Variants in POLR2B observed in about 807,000 individuals in gnomAD.
POLR2B encodes the protein RNA polymerase II subunit B, also known as DNA-directed RNA polymerase II subunit RPB2.
Under a neutral mutation model 144.6 loss-of-function variants are expected in POLR2B, and 57 were observed. The observed-to-expected ratio is 0.39, with a 90% confidence interval of 0.32 to 0.49. The LOEUF is 0.49. POLR2B is among the 20% of genes least tolerant of loss of function. POLR2B has a pLI of 0.83. For synonymous variants in POLR2B, 442 were observed against 469.8 expected, an observed-to-expected ratio of 0.94 and a Z score of 0.77; for missense variants, 595 against 1,467.4, an observed-to-expected ratio of 0.41 and a Z score of 9.71.
chr4:56,987,447 A>G (rs1007348368), intron 2 of POLR2B, among the ~76,000 whole-genome samples: 1 of 152,162 alleles, frequency 6.6e-6, no homozygotes, highest in African/African-American at 2.4e-5. Flanking sequence ...TTTATATACA[A>G]TAAGATGATG....
chr4:57,023,250 C>G lies in POLR2B; in HGVS notation c.2516-80C>G. On this transcript the variant is annotated intron_variant, in intron 18 of 24. Transcript: ENST00000314595. The surrounding 1 kb of genome is among the most constrained non-coding windows in gnomAD (Gnocchi z 4.3). ...TATAGAGACTCCTGTGGCCTTCTCT[C>G]TGACTTGGAACTGATTCATGTATGT... is the stretch of plus-strand genomic sequence containing the variant. 1.4e-6 allele frequency: 2 copies of G among 1,430,966 alleles called. No individual in the cohort carries two copies. The highest frequency in any genetic ancestry group is 1.9e-6 in the Non-Finnish European group (2 of 1,033,664). The allele number at this position is 1,430,966 out of a possible 1,614,324, so 88.6% of individuals were successfully genotyped here. A position where few individuals can be genotyped will look rare whatever the true frequency, so the allele number is the denominator to read the frequency against.
Position 57,015,567 on chromosome 4 carries a change from T to G in POLR2B, c.1866T>G (p.Cys622Trp). 6.6e-7 allele frequency: 1 copy of G among 1,510,994 alleles called. No individual in the cohort carries two copies. The highest frequency in any genetic ancestry group is 1.4e-5 in the South Asian group (1 of 73,740). The allele number at this position is 1,510,994 out of a possible 1,614,324, so 93.6% of individuals were successfully genotyped here. A position where few individuals can be genotyped will look rare whatever the true frequency, so the allele number is the denominator to read the frequency against. ...TCTATACGGATGCAGGCCGTATTTG[T>G]AGACCACTTCTGATTGTGGAAAAAC... ...IRIYTDAGRI[C>W]RPLLIVEKQK... The change falls in exon 14 of 25, where the codon TGT (cysteine) becomes TGG (tryptophan). Residue 622 changes from cysteine to tryptophan, a missense_variant. Around this residue, in one of 9 missense-constraint regions of POLR2B, gnomAD observed 59 missense variants for 84.2 expected, o/e 0.70. Coordinates refer to ENST00000314595, the MANE Select transcript of POLR2B (RefSeq NM_000938.3).
At chr4:56,997,735 T>TG (rs1283266910) in intron 6 of POLR2B, among the ~76,000 whole-genome samples, 1 of 152,200 alleles carries the variant, frequency 6.6e-6, no homozygotes, top group East Asian at 1.9e-4. Flanking sequence ...GAGTGACAAG[T>TG]AGATGATCAG....
intron 16 of POLR2B, 53 bp from the exon 17 acceptor site, chr4:57,020,846 G>A: frequency 2.1e-6 from 2 of 969,084 alleles, no homozygotes; most frequent in Non-Finnish European, 3.4e-6. Flanking sequence ...AGAAAGGGCA[G>A]TTTTTCTGTT....
chr4:57,014,895 C>CT (rs1483461977), intron 13 of POLR2B, among the ~76,000 whole-genome samples: 4 of 152,098 alleles, frequency 2.6e-5, no homozygotes, highest in East Asian at 1.9e-4. Context: ...ATTTTACGTT[C>CT]TTTTTTTTCT....
At chr4:57,020,319 A>G (rs1295777201) in intron 16 of POLR2B, among the ~76,000 whole-genome samples, 2 of 152,222 alleles carry the variant, frequency 1.3e-5, no homozygotes, top group Non-Finnish European at 2.9e-5. Context: ...GGCGTGAGCC[A>G]CCATGCCCGA....
intron 6 of POLR2B, among the ~76,000 whole-genome samples, chr4:56,996,278 A>ATTT (rs869299001): frequency 4.2e-4 from 25 of 59,738 alleles, no homozygotes; most frequent in South Asian, 8.1e-4. Context: ...ATATATATAT[A>ATTT]TTTTTTTTTT....
Position 57,005,738 on chromosome 4 carries a change from A to C in POLR2B, c.1217+19A>C. On this transcript the variant is annotated intron_variant, in intron 9 of 24. Coordinates refer to ENST00000314595, the MANE Select transcript of POLR2B (RefSeq NM_000938.3). ...TTAGAGGGTAAGGAATTACAGAATG[A>C]AGTCATTAAAGCAGGGAGATTTATT... is the stretch of plus-strand genomic sequence containing the variant. 1 of 1,605,812 alleles carries C rather than the reference A, an allele frequency of 6.2e-7. No individual in the cohort carries two copies. The highest frequency in any genetic ancestry group is 8.5e-7 in the Non-Finnish European group (1 of 1,176,430).
chr4:56,982,095 C>T (rs537868587), intron 1 of POLR2B, among the ~76,000 whole-genome samples: 4 of 152,270 alleles, frequency 2.6e-5, no homozygotes, highest in South Asian at 4.1e-4. Flanking sequence ...CATCTGTATG[C>T]GGATAACTTC....
In POLR2B at chr4:56,995,427, T is replaced by C; in HGVS notation, c.735+18T>C. 1.3e-6 allele frequency: 2 copies of C among 1,564,902 alleles called. No homozygotes were observed. Among genetic ancestry groups the C allele is most frequent in the Non-Finnish European group, 1.7e-6 (2 of 1,147,224 alleles). ...GAGGACAGGTATGGACTGGATATGA[T>C]GCTATTTGGGTTTATTCCTTTGTGC... On this transcript the variant is annotated intron_variant, in intron 6 of 24. Coordinates refer to ENST00000314595, the MANE Select transcript of POLR2B (RefSeq NM_000938.3).
At chr4:56,996,279 T>TA (rs1553910018) in intron 6 of POLR2B, among the ~76,000 whole-genome samples, 4,401 of 38,426 alleles carry the variant, frequency 0.11, 76 homozygotes, top group Admixed American at 0.15. Context: ...TATATATATA[T>TA]TTTTTTTTTT....
In POLR2B at chr4:56,986,432, T is replaced by C. The variant is rs1240689567; in HGVS notation, c.92+6T>C. On this transcript the variant is annotated splice_donor_region_variant and intron_variant, in intron 2 of 24. Coordinates refer to ENST00000314595, the MANE Select transcript of POLR2B (RefSeq NM_000938.3). ...GCATGCTGGATTGTAATCAGGTAAC[T>C]TTGGACCAAACTGAATTAGCCTGAA... The C allele has an allele frequency of 6.3e-7, 1 of 1,598,142 alleles. No individual in the cohort carries two copies. The highest frequency in any genetic ancestry group is 8.6e-7 in the Non-Finnish European group (1 of 1,165,782).
chr4:56,983,573 T>A (rs1040706893), intron 1 of POLR2B, among the ~76,000 whole-genome samples: 1 of 152,078 alleles, frequency 6.6e-6, no homozygotes, highest in African/African-American at 2.4e-5. Flanking sequence ...GGTTTCACCA[T>A]GCTGGCCAGG....
chr4:57,010,118 T>TCCTA (rs1438394398), intron 10 of POLR2B: 4 of 415,658 alleles, frequency 9.6e-6, no homozygotes, highest in African/African-American at 8.1e-5. Flanking sequence ...GAAACTAATG[T>TCCTA]CCTAGTGTTT....
chr4:56,985,972 A>G (rs979855254), intron 1 of POLR2B, among the ~76,000 whole-genome samples: 1 of 152,216 alleles, frequency 6.6e-6, no homozygotes, highest in Non-Finnish European at 1.5e-5. Flanking sequence ...TCATACCTGT[A>G]CATGTATGAA....
Position 57,023,201 on chromosome 4 carries a change from T to G in POLR2B, c.2516-129T>G, listed in dbSNP as rs140268772. On this transcript the variant is annotated intron_variant, in intron 18 of 24. Coordinates refer to ENST00000314595, the MANE Select transcript of POLR2B (RefSeq NM_000938.3). This position sits in a 1 kb window ranked among gnomAD's most constrained non-coding sequence, Gnocchi z 4.3. Reference sequence around the variant, plus strand: ...TAGAGTTCAGAATAGTTTGTAATATTTGGAATAAGGGTGTGATTCATGGTA... The same window carrying G: ...TAGAGTTCAGAATAGTTTGTAATATGTGGAATAAGGGTGTGATTCATGGTA... 2.5e-6 allele frequency: 2 copies of G among 785,580 alleles called. No homozygotes were observed. Among genetic ancestry groups the G allele is most frequent in the East Asian group, 2.6e-5 (1 of 38,726 alleles). 48.7% of individuals were successfully genotyped at this position (785,580 alleles called of 1,614,324 possible).
At chr4:57,018,275 A>T (rs962607269) in intron 16 of POLR2B, among the ~76,000 whole-genome samples, 1 of 152,212 alleles carries the variant, frequency 6.6e-6, no homozygotes, top group South Asian at 2.1e-4. Context: ...CAGCGGCATA[A>T]AGAGTAGATT....
At chr4:57,009,702 G>C (rs1256084139) in intron 10 of POLR2B, 2 of 152,172 alleles carry the variant, frequency 1.3e-5, no homozygotes, top group East Asian at 3.9e-4. Flanking sequence ...TTTCCAGATT[G>C]AGAGAAAGGT....
At chr4:57,002,029 A>G (rs1722870093) in intron 7 of POLR2B, among the ~76,000 whole-genome samples, 1 of 152,036 alleles carries the variant, frequency 6.6e-6, no homozygotes, top group South Asian at 2.1e-4. Context: ...CAGTAGTTAC[A>G]TACCTTATTA....
Sources: allele counts gnomAD v4.1 joint callset (sites outside exome capture counted in the v4.1 genomes callset), GRCh38; gene constraint gnomAD v4.1.1; regional missense constraint gnomAD v4.1.1; non-coding constraint Gnocchi (gnomAD v3.1); transcripts MANE v1.5; gene names NCBI Gene and HGNC (gene_info 2026-07-23, HGNC 2026-07-21).